The following DAPK1 variants were observed in gnomAD, a reference collection of about 807,000 sequenced individuals.
DAPK1 encodes the protein death-associated protein kinase 1.
In DAPK1, 56 loss-of-function variants were observed where a neutral mutation model predicts 144.9. The ratio of observed to expected loss-of-function variants is 0.39; its 90% CI spans 0.31 to 0.48. DAPK1 has a LOEUF of 0.48. DAPK1 is among the 20% of genes least tolerant of loss of function. The pLI is 0.95. For synonymous variants in DAPK1, 690 were observed against 749.0 expected (o/e 0.92, Z 1.29); for missense variants, 1,454 against 1,875.4 (o/e 0.78, Z 4.15).
intron 2 of DAPK1, among the ~76,000 whole-genome samples, chr9:87,521,150 C>A (rs1825284455): frequency 6.6e-6 from 1 of 152,192 alleles, no homozygotes; most frequent in Non-Finnish European, 1.5e-5. Flanking sequence ...ATAGTGCTAG[C>A]TATGTTTTAA....
chr9:87,598,607 A>C (rs80120623), intron 2 of DAPK1, among the ~76,000 whole-genome samples: 2,796 of 152,288 alleles, frequency 0.018, 89 homozygotes, highest in African/African-American at 0.063. Flanking sequence ...AGAGACATTA[A>C]TTGTCATGTC....
At chr9:87,666,848 A>G (rs911083540) in intron 18 of DAPK1, among the ~76,000 whole-genome samples, 3 of 152,150 alleles carry the variant, frequency 2.0e-5, no homozygotes, top group African/African-American at 7.2e-5. Flanking sequence ...CCTGTCGGTG[A>G]AAGGCCTCTG....
At chr9:87,588,773 AG>A (rs1828024046) in intron 2 of DAPK1, among the ~76,000 whole-genome samples, 1 of 152,194 alleles carries the variant, frequency 6.6e-6, no homozygotes, top group Admixed American at 6.5e-5. Flanking sequence ...ATGAAGAAGA[AG>A]TCTATTACAG....
At chr9:87,621,661 C>T (rs1456833110) in intron 3 of DAPK1, among the ~76,000 whole-genome samples, 2 of 152,148 alleles carry the variant, frequency 1.3e-5, no homozygotes, top group African/African-American at 2.4e-5. Context: ...GGGAGTCTGC[C>T]TCTTGCTTTG....
intron 19 of DAPK1, among the ~76,000 whole-genome samples, chr9:87,676,844 T>C (rs1301709151): frequency 2.0e-5 from 3 of 152,232 alleles, no homozygotes; most frequent in Non-Finnish European, 4.4e-5. Flanking sequence ...TCACCTTCAA[T>C]GTGCACATCC....
chr9:87,513,739 T>C (rs1824938840), intron 2 of DAPK1, among the ~76,000 whole-genome samples: 2 of 152,236 alleles, frequency 1.3e-5, no homozygotes, highest in African/African-American at 4.8e-5. Context: ...TTGTGTCCTG[T>C]TCTACTGTCA....
At chr9:87,669,769 G>A (rs1008571183) in intron 19 of DAPK1, among the ~76,000 whole-genome samples, 1 of 151,776 alleles carries the variant, frequency 6.6e-6, no homozygotes, top group Admixed American at 6.6e-5. Context: ...GGGGCAGGGG[G>A]GGGCCACAGA....
intron 2 of DAPK1, among the ~76,000 whole-genome samples, chr9:87,590,381 A>AAAAAAG (rs1554687930): frequency 8.7e-5 from 13 of 149,772 alleles, no homozygotes; most frequent in African/African-American, 3.0e-4. Context: ...AAAAAAAAAA[A>AAAAAAG]AAAAGAAAAG....
At chr9:87,531,532 G>A (rs982863328) in intron 2 of DAPK1, among the ~76,000 whole-genome samples, 1 of 152,178 alleles carries the variant, frequency 6.6e-6, no homozygotes, top group African/African-American at 2.4e-5. Flanking sequence ...AGACTGGCGT[G>A]TCTCAGACTG....
upstream of DAPK1, chr9:87,497,264 C>T (rs930304101): frequency 3.3e-5 from 5 of 152,210 alleles, no homozygotes; most frequent in African/African-American, 7.2e-5. Flanking sequence ...CAAGCCTCGG[C>T]TCCAACACCA....
At chr9:87,646,642 A>G in intron 13 of DAPK1, 83 bp downstream of exon 13, 17 of 1,034,634 alleles carry the variant, frequency 1.6e-5, no homozygotes, top group Non-Finnish European at 2.5e-5. Flanking sequence ...GAGGAAAAAA[A>G]TTTATGTCCT....
intron 2 of DAPK1, among the ~76,000 whole-genome samples, chr9:87,507,520 C>T (rs764536985): frequency 2.0e-5 from 3 of 152,130 alleles, no homozygotes; most frequent in African/African-American, 7.2e-5. Context: ...GGGGCTTTTA[C>T]CTTATGTACT....
chr9:87,636,947 C>G (rs1424476318), intron 3 of DAPK1, among the ~76,000 whole-genome samples: 1 of 152,128 alleles, frequency 6.6e-6, no homozygotes, highest in Non-Finnish European at 1.5e-5. Context: ...GTGCCTGGCT[C>G]TGGCGGGGAG....
chr9:87,603,690 A>G (rs1248095155), intron 2 of DAPK1, among the ~76,000 whole-genome samples: 1 of 152,150 alleles, frequency 6.6e-6, no homozygotes, highest in Non-Finnish European at 1.5e-5. Context: ...GTACCAAGAA[A>G]CATACAGATC....
At chr9:87,516,677 G>C (rs1825071757) in intron 2 of DAPK1, among the ~76,000 whole-genome samples, 1 of 152,136 alleles carries the variant, frequency 6.6e-6, no homozygotes, top group African/African-American at 2.4e-5. Flanking sequence ...TGTGGCCAGG[G>C]GCAGCCCACA....
At chr9:87,526,617 T>G (rs918716161) in intron 2 of DAPK1, among the ~76,000 whole-genome samples, 15 of 152,216 alleles carry the variant, frequency 9.9e-5, no homozygotes, top group African/African-American at 3.6e-4. Flanking sequence ...TGGGAAGCTT[T>G]CTAGAGAATC....
At position 87,706,908 on chromosome 9, in the gene DAPK1, C is replaced by G. The variant is rs755212010; in HGVS notation, c.3837C>G (p.Phe1279Leu). The change falls in exon 26 of 26, where the codon TTC becomes TTG. Residue 1279 changes from phenylalanine (F) to leucine (L), a missense_variant. By Grantham distance (22) the Phe-to-Leu change is conservative (BLOSUM62 0). This residue lies in a region of DAPK1 where 1,025 missense variants were observed against 1,237.9 expected (regional missense o/e 0.83). Transcript: ENST00000408954. This position sits in a 1 kb window ranked among gnomAD's most constrained non-coding sequence, Gnocchi z 9.0. ...TNTMGGYKES[F>L]SSIMCFGCHD... Reference sequence around the variant, plus strand: ...CCATGGGGGGGTACAAGGAAAGCTTCAGCAGCATCATGTGCTTCGGGTGTC... The same window carrying G: ...CCATGGGGGGGTACAAGGAAAGCTTGAGCAGCATCATGTGCTTCGGGTGTC... The G allele has an allele frequency of 6.2e-7, 1 of 1,613,994 alleles. No individual in the cohort carries two copies. The highest frequency in any genetic ancestry group is 1.1e-5 in the South Asian group (1 of 91,070).
chr9:87,502,004 A>G (rs368730621), intron 2 of DAPK1, among the ~76,000 whole-genome samples: 4 of 152,342 alleles, frequency 2.6e-5, no homozygotes, highest in African/African-American at 7.2e-5. Context: ...AACTTGTAAA[A>G]GTAGTTGATC....
chr9:87,697,416 C>A (rs1825298000), intron 22 of DAPK1, among the ~76,000 whole-genome samples: 1 of 152,208 alleles, frequency 6.6e-6, no homozygotes. Flanking sequence ...TCATGAGGCT[C>A]AAGTGTTCGT....
Sources: gnomAD v4.1 joint callset for allele counts (sites outside exome capture counted in the v4.1 genomes callset) on GRCh38, gnomAD v4.1.1 for gene constraint, gnomAD v4.1.1 regional missense constraint, Gnocchi (gnomAD v3.1) non-coding constraint, MANE v1.5 for transcripts, NCBI Gene and HGNC (gene_info 2026-07-23, HGNC 2026-07-21) for gene names.